GMDS: variants seen among roughly 807,000 people sequenced by gnomAD.
GMDS encodes the protein GDP-mannose 4,6 dehydratase.
In GMDS, 20 loss-of-function variants were observed where a neutral mutation model predicts 49.9. The ratio of observed to expected loss-of-function variants is 0.40; its 90% confidence interval spans 0.28 to 0.58. The LOEUF (loss-of-function observed/expected upper bound fraction) is 0.58. Ranked by LOEUF, GMDS falls within the 20% of genes least tolerant of loss-of-function variation. GMDS has a pLI of 0.42. For missense variants in GMDS, 362 were observed against 481.4 expected, an observed-to-expected ratio of 0.75 and a Z score of 2.32; for synonymous variants, 177 against 178.6, an observed-to-expected ratio of 0.99 and a Z score of 0.07.
At chr6:2,202,007 G>A (rs1779561896) in intron 1 of GMDS, among the ~76,000 whole-genome samples, 1 of 132,442 alleles carries the variant, frequency 7.6e-6, no homozygotes, top group Non-Finnish European at 1.6e-5. Context: ...TGAAGAGAGA[G>A]CACCACATGG....
At chr6:1,812,184 A>G (rs1286312707) in intron 7 of GMDS, among the ~76,000 whole-genome samples, 1 of 152,208 alleles carries the variant, frequency 6.6e-6, no homozygotes, top group Admixed American at 6.5e-5. Flanking sequence ...GGAGGACCTT[A>G]TAGAACGAGG....
chr6:1,697,769 G>A (rs1005847501), intron 9 of GMDS, among the ~76,000 whole-genome samples: 2 of 152,202 alleles, frequency 1.3e-5, no homozygotes, highest in African/African-American at 4.8e-5. Context: ...CAGACCATAA[G>A]TAGAAGTCAG....
intron 1 of GMDS, among the ~76,000 whole-genome samples, chr6:2,193,493 G>A (rs956635136): frequency 6.6e-6 from 1 of 152,190 alleles, no homozygotes; most frequent in African/African-American, 2.4e-5. Flanking sequence ...CACACCCTAG[G>A]CAGCAGGGTC....
At chr6:1,996,228 C>A (rs1766271712) in intron 4 of GMDS, among the ~76,000 whole-genome samples, 1 of 152,042 alleles carries the variant, frequency 6.6e-6, no homozygotes. Context: ...ACACTCCCTG[C>A]CCCCAACAAC....
intron 7 of GMDS, 76 bp downstream of exon 7, chr6:1,930,027 T>A: frequency 7.3e-7 from 1 of 1,366,014 alleles, no homozygotes; most frequent in Non-Finnish European, 1.0e-6. Context: ...TAGGTCACAC[T>A]TTTTCACTGT....
At chr6:1,850,108 A>G (rs1757591905) in intron 7 of GMDS, among the ~76,000 whole-genome samples, 1 of 152,148 alleles carries the variant, frequency 6.6e-6, no homozygotes, top group Non-Finnish European at 1.5e-5. Context: ...TCCTCATGCA[A>G]TCTCATGGGT....
chr6:2,207,073 T>C (rs962090562), intron 1 of GMDS, among the ~76,000 whole-genome samples: 2 of 152,236 alleles, frequency 1.3e-5, no homozygotes, highest in African/African-American at 4.8e-5. Flanking sequence ...TAGGTGAAGC[T>C]GCACATAAGT....
chr6:2,066,880 C>T (rs574889038), intron 4 of GMDS, among the ~76,000 whole-genome samples: 26 of 151,606 alleles, frequency 1.7e-4, no homozygotes, highest in African/African-American at 6.3e-4. Context: ...ACAAGGATAC[C>T]CAGGAATTGA....
At chr6:1,639,146 A>T (rs1293106249) in intron 9 of GMDS, among the ~76,000 whole-genome samples, 1 of 152,114 alleles carries the variant, frequency 6.6e-6, no homozygotes, top group African/African-American at 2.4e-5. Flanking sequence ...CTCAGGCTTG[A>T]AGAGGAGCAG....
chr6:1,988,270 T>G (rs1765687129), intron 4 of GMDS, among the ~76,000 whole-genome samples: 1 of 152,154 alleles, frequency 6.6e-6, no homozygotes, highest in East Asian at 1.9e-4. Context: ...AGAGTATATT[T>G]TCTCTTAGAT....
rs183083612 is a variant in GMDS at position 2,243,105 on chromosome 6, C to T, written c.102+2216G>A. Among the ~76,000 whole-genome samples, 42 of 152,228 alleles carry T rather than the reference C, an allele frequency of 2.8e-4. 1 individual carries two copies. The highest frequency in any genetic ancestry group is 7.9e-4 in the African/African-American group (33 of 41,538). On this transcript the variant is annotated intron_variant, in intron 1 of 10. Coordinates refer to ENST00000380815, the MANE Select transcript of GMDS (RefSeq NM_001500.4). ...AGGAGACAATGCAGAGGGCAGATGC[C>T]GGAGGGAAGAAAGAAACACTGGGGC... is the stretch of plus-strand genomic sequence containing the variant.
chr6:2,086,240 ACTAT>A (rs1330804881), intron 4 of GMDS, among the ~76,000 whole-genome samples: 1 of 152,236 alleles, frequency 6.6e-6, no homozygotes, highest in African/African-American at 2.4e-5. Context: ...TGAGGCAGTA[ACTAT>A]CTATGTGCAC....
At chr6:1,805,879 A>C (rs1444294583) in intron 7 of GMDS, among the ~76,000 whole-genome samples, 2 of 152,178 alleles carry the variant, frequency 1.3e-5, no homozygotes, top group Non-Finnish European at 2.9e-5. Context: ...AGTTGGAGAA[A>C]CTCTGGTATA....
chr6:1,779,314 T>C (rs1390756829), intron 7 of GMDS, among the ~76,000 whole-genome samples: 1 of 152,170 alleles, frequency 6.6e-6, no homozygotes, highest in Non-Finnish European at 1.5e-5. Flanking sequence ...CCGGGGGAAG[T>C]ATCCTGCTTC....
At chr6:1,900,435 T>A (rs1405802675) in intron 7 of GMDS, among the ~76,000 whole-genome samples, 4 of 148,286 alleles carry the variant, frequency 2.7e-5, no homozygotes, top group African/African-American at 1.1e-4. Flanking sequence ...ACTTCAACTT[T>A]AAGACCTAAG....
At chr6:2,215,335 T>G (rs1329325695) in intron 1 of GMDS, among the ~76,000 whole-genome samples, 1 of 151,974 alleles carries the variant, frequency 6.6e-6, no homozygotes, top group African/African-American at 2.4e-5. Flanking sequence ...AAAAAGAGGT[T>G]TAATGAACTC....
intron 7 of GMDS, among the ~76,000 whole-genome samples, chr6:1,869,244 G>A (rs1561855676): frequency 6.6e-6 from 1 of 152,216 alleles, no homozygotes; most frequent in Non-Finnish European, 1.5e-5. Context: ...ATGAACACAA[G>A]TGGGAAGGTT....
At chr6:1,875,149 C>A (rs1240335097) in intron 7 of GMDS, among the ~76,000 whole-genome samples, 1 of 151,966 alleles carries the variant, frequency 6.6e-6, no homozygotes, top group Non-Finnish European at 1.5e-5. Context: ...AGAATAATAT[C>A]CAATAGAGTT....
chr6:1,936,664 GT>G (rs1434109214), intron 6 of GMDS, among the ~76,000 whole-genome samples: 2 of 152,078 alleles, frequency 1.3e-5, no homozygotes, highest in Non-Finnish European at 2.9e-5. Context: ...TATGACAATG[GT>G]CCCGTAAGAT....
Sources: allele counts gnomAD v4.1 joint callset (sites outside exome capture counted in the v4.1 genomes callset), GRCh38; gene constraint gnomAD v4.1.1; transcripts MANE v1.5; gene names NCBI Gene and HGNC (gene_info 2026-07-23, HGNC 2026-07-21).